TBL1XR1: variants seen among roughly 807,000 people sequenced by gnomAD.
TBL1XR1 encodes TBL1X/Y related 1, also known as F-box-like/WD repeat-containing protein TBL1XR1.
Under a neutral mutation model 66.9 loss-of-function variants are expected in TBL1XR1, and 5 were observed. The ratio of observed to expected loss-of-function variants is 0.07; its 90% CI spans 0.04 to 0.16. The LOEUF (loss-of-function observed/expected upper bound fraction) is 0.16, where lower values mean the gene tolerates loss of function less well. Among genes scored for constraint, TBL1XR1 ranks in the 10% least tolerant of loss-of-function variants. The pLI is 1.00. For synonymous variants in TBL1XR1, 210 were observed against 206.0 expected (o/e 1.02, Z -0.17); for missense variants, 238 against 623.2 (o/e 0.38, Z 6.58).
At chr3:177,115,983 T>C (rs1726260696) in intron 1 of TBL1XR1, among the ~76,000 whole-genome samples, 1 of 152,172 alleles carries the variant, frequency 6.6e-6, no homozygotes, top group African/African-American at 2.4e-5. Flanking sequence ...GGGGAAGCTT[T>C]TGCTTTAATG....
intron 1 of TBL1XR1, among the ~76,000 whole-genome samples, chr3:177,147,603 C>A (rs1730409984): frequency 6.6e-6 from 1 of 152,206 alleles, no homozygotes; most frequent in Non-Finnish European, 1.5e-5. Context: ...CTACAGGCAT[C>A]TTCTTCATTC....
At chr3:177,072,712 AAAG>A (rs1210020073) in intron 2 of TBL1XR1, among the ~76,000 whole-genome samples, 2 of 152,222 alleles carry the variant, frequency 1.3e-5, no homozygotes, top group African/African-American at 4.8e-5. Flanking sequence ...TTTATACTTC[AAAG>A]AAGAAATGAC....
chr3:177,154,012 G>C (rs1368644457), intron 1 of TBL1XR1, among the ~76,000 whole-genome samples: 1 of 146,252 alleles, frequency 6.8e-6, no homozygotes, highest in Non-Finnish European at 1.5e-5. Context: ...GAAAAAAAAA[G>C]AACAGATAAG....
chr3:177,175,250 T>C (rs1446285297), intron 1 of TBL1XR1, among the ~76,000 whole-genome samples: 2 of 152,176 alleles, frequency 1.3e-5, no homozygotes, highest in Non-Finnish European at 2.9e-5. Context: ...AATAAAAGCT[T>C]AGCTGCTGAA....
intron 12 of TBL1XR1, among the ~76,000 whole-genome samples, chr3:177,034,988 T>C (rs978903015): frequency 6.6e-6 from 1 of 151,930 alleles, no homozygotes; most frequent in Non-Finnish European, 1.5e-5. Context: ...CCTGCAGTTA[T>C]CTCCTTAACA....
intron 2 of TBL1XR1, among the ~76,000 whole-genome samples, chr3:177,084,283 A>G (rs897413201): frequency 5.3e-5 from 8 of 152,078 alleles, no homozygotes; most frequent in Non-Finnish European, 1.2e-4. Flanking sequence ...CCCTGTCCTC[A>G]CCACTCATTC....
chr3:177,176,156 TAA>T (rs1734122958), intron 1 of TBL1XR1, among the ~76,000 whole-genome samples: 1 of 152,004 alleles, frequency 6.6e-6, no homozygotes, highest in African/African-American at 2.4e-5. Context: ...TAAAAATCAA[TAA>T]AATAATAAGT....
intron 2 of TBL1XR1, among the ~76,000 whole-genome samples, chr3:177,086,104 T>C (rs978101812): frequency 6.6e-6 from 1 of 151,050 alleles, no homozygotes; most frequent in Non-Finnish European, 1.5e-5. Context: ...TCCCCAGATA[T>C]TAGCACTAGC....
chr3:177,183,761 G>C (rs542692088), intron 1 of TBL1XR1, among the ~76,000 whole-genome samples: 2 of 150,064 alleles, frequency 1.3e-5, no homozygotes, highest in Non-Finnish European at 1.5e-5. Context: ...CACTGCGCCC[G>C]ACCAAAAAAC....
intron 1 of TBL1XR1, among the ~76,000 whole-genome samples, chr3:177,112,466 AG>A (rs1725773466): frequency 6.6e-6 from 1 of 152,014 alleles, no homozygotes; most frequent in Non-Finnish European, 1.5e-5. Context: ...GTTAAAGAAA[AG>A]CTGTCTCATT....
rs1201629125 is a variant in TBL1XR1 at position 177,185,327 on chromosome 3, G to A, written c.-122+11794C>T. On this transcript the variant is annotated intron_variant, in intron 1 of 15. Coordinates refer to ENST00000457928, the MANE Select transcript of TBL1XR1 (RefSeq NM_024665.7). ...CCTTAAGTTAAAATAGCAGCCAACC[G>A]GCCAGGGGCAGTGGCTCACGCCAGT... Among the ~76,000 whole-genome samples the A allele has an allele frequency of 3.9e-5, 6 of 152,058 alleles. No individual in the cohort carries two copies. In the South Asian group the frequency reaches 6.2e-4, roughly 16 times the overall value.
chr3:177,155,623 G>C (rs1731396259), intron 1 of TBL1XR1, among the ~76,000 whole-genome samples: 2 of 152,092 alleles, frequency 1.3e-5, no homozygotes, highest in East Asian at 1.9e-4. Context: ...GAGAAAGATA[G>C]TTTTTTTCTT....
chr3:177,073,490 A>G (rs556445716), intron 2 of TBL1XR1, among the ~76,000 whole-genome samples: 1 of 152,342 alleles, frequency 6.6e-6, no homozygotes, highest in Admixed American at 6.5e-5. Context: ...TAACTCTAAA[A>G]CATATTGGAG....
At chr3:177,102,680 A>G (rs1724376293) in intron 1 of TBL1XR1, among the ~76,000 whole-genome samples, 1 of 152,220 alleles carries the variant, frequency 6.6e-6, no homozygotes, top group Non-Finnish European at 1.5e-5. Flanking sequence ...TCACCACAGC[A>G]GATCACTGTG....
intron 1 of TBL1XR1, among the ~76,000 whole-genome samples, chr3:177,135,346 T>C (rs1269057784): frequency 1.8e-4 from 3 of 16,688 alleles, no homozygotes; most frequent in Non-Finnish European, 2.1e-4. Flanking sequence ...TACATATATA[T>C]ATATATATAT....
chr3:177,089,555 T>C (rs1210619576), intron 2 of TBL1XR1, among the ~76,000 whole-genome samples: 1 of 152,190 alleles, frequency 6.6e-6, no homozygotes, highest in Non-Finnish European at 1.5e-5. Context: ...CTTTCTGGCT[T>C]CTCCACAGGA....
chr3:177,046,339 A>C, intron 9 of TBL1XR1, 150 bp from the exon 10 acceptor site: 1 of 541,336 alleles, frequency 1.8e-6, no homozygotes, highest in South Asian at 2.8e-5. Flanking sequence ...ACAAGGCTAT[A>C]TACTTTGGGA....
At chr3:177,061,566 G>A (rs958514804) in intron 3 of TBL1XR1, among the ~76,000 whole-genome samples, 16 of 152,154 alleles carry the variant, frequency 1.1e-4, no homozygotes, top group African/African-American at 3.9e-4. Context: ...TCACAAACCA[G>A]TCCTTTGAAT....
intron 7 of TBL1XR1, 139 bp downstream of exon 7, chr3:177,049,858 G>A (rs1360694986): frequency 2.2e-6 from 2 of 896,826 alleles, no homozygotes; most frequent in Non-Finnish European, 3.3e-6. Flanking sequence ...AGGGCTGGCA[G>A]GGGACGACTC....
Sources: allele counts gnomAD v4.1 joint callset (sites outside exome capture counted in the v4.1 genomes callset), GRCh38; gene constraint gnomAD v4.1.1; transcripts MANE v1.5; gene names NCBI Gene and HGNC (gene_info 2026-07-23, HGNC 2026-07-21).